The following OSBPL1A variants were observed in gnomAD, a reference collection of about 807,000 sequenced individuals.
OSBPL1A encodes oxysterol binding protein like 1A, also known as oxysterol-binding protein-related protein 1.
OSBPL1A carries 80 observed loss-of-function variants against 137.1 expected under a neutral mutation model. The observed-to-expected ratio is 0.58, with a 90% CI of 0.49 to 0.70. The LOEUF is 0.70. OSBPL1A is among the 30% of genes least tolerant of loss of function. The probability of loss-of-function intolerance (pLI) is 0.00; values close to 1 mark genes in which losing one functional copy is unlikely to be tolerated. For missense variants in OSBPL1A, 970 were observed against 1,129.4 expected (o/e 0.86, Z 2.02); for synonymous variants, 365 against 389.7 (o/e 0.94, Z 0.75).
intron 17 of OSBPL1A, among the ~76,000 whole-genome samples, chr18:24,206,838 C>T (rs753760391): frequency 3.3e-5 from 5 of 152,140 alleles, no homozygotes; most frequent in Non-Finnish European, 5.9e-5. Flanking sequence ...TTTTCCCTAC[C>T]TTCATTCATT....
intron 15 of OSBPL1A, among the ~76,000 whole-genome samples, chr18:24,259,413 C>T (rs1329602759): frequency 6.6e-6 from 1 of 152,188 alleles, no homozygotes; most frequent in African/African-American, 2.4e-5. Flanking sequence ...CTCCAGCTAA[C>T]AGACCATACT....
chr18:24,304,507 T>C (rs2090464109), intron 13 of OSBPL1A, among the ~76,000 whole-genome samples: 1 of 152,196 alleles, frequency 6.6e-6, no homozygotes, highest in African/African-American at 2.4e-5. Flanking sequence ...AAGAAAATTA[T>C]TATTGTAAAT....
chr18:24,386,631 CCTTCT>C (rs1205256421), intron 1 of OSBPL1A, among the ~76,000 whole-genome samples: 12 of 152,132 alleles, frequency 7.9e-5, no homozygotes, highest in Admixed American at 7.9e-4. Flanking sequence ...GAGACTGGCA[CCTTCT>C]CTTACCTCCT....
chr18:24,199,934 G>A (rs1282495623), intron 17 of OSBPL1A, among the ~76,000 whole-genome samples: 1 of 152,158 alleles, frequency 6.6e-6, no homozygotes, highest in African/African-American at 2.4e-5. Context: ...AGCAGTGCCA[G>A]GGTCAAGAAA....
At chr18:24,250,014 AAGG>A (rs1469881651) in intron 15 of OSBPL1A, among the ~76,000 whole-genome samples, 5 of 152,182 alleles carry the variant, frequency 3.3e-5, no homozygotes, top group African/African-American at 1.2e-4. Flanking sequence ...CCTTCTGCTT[AAGG>A]AGAAGAGGGC....
chr18:24,369,466 C>T (rs1179889690), intron 2 of OSBPL1A, among the ~76,000 whole-genome samples: 1 of 152,214 alleles, frequency 6.6e-6, no homozygotes, highest in East Asian at 1.9e-4. Flanking sequence ...GGGGCTGTTA[C>T]AGCCCAAGAA....
chr18:24,368,196 G>A (rs1599722719), intron 3 of OSBPL1A, 91 bp downstream of exon 3: 3 of 871,898 alleles, frequency 3.4e-6, no homozygotes, highest in Non-Finnish European at 5.5e-6. Flanking sequence ...AAGTCATTAT[G>A]GCTCAGGTGG....
intron 2 of OSBPL1A, among the ~76,000 whole-genome samples, chr18:24,371,703 T>C (rs2146199072): frequency 6.6e-6 from 1 of 152,238 alleles, no homozygotes; most frequent in East Asian, 1.9e-4. Flanking sequence ...CACTGGCTCT[T>C]TCTACCTAAC....
intron 2 of OSBPL1A, among the ~76,000 whole-genome samples, chr18:24,372,765 C>G (rs1444432645): frequency 1.3e-5 from 2 of 152,102 alleles, no homozygotes; most frequent in African/African-American, 4.8e-5. Context: ...ATCAAGAAAT[C>G]AAAATTTCCA....
At chr18:24,212,847 C>T (rs184390442) in intron 17 of OSBPL1A, among the ~76,000 whole-genome samples, 75 of 152,196 alleles carry the variant, frequency 4.9e-4, no homozygotes, top group Non-Finnish European at 1.9e-4. Context: ...TAAAATTTAC[C>T]GATACAATTA....
At position 24,304,957 on chromosome 18, in the gene OSBPL1A, T is replaced by G. The variant is rs552558591; in HGVS notation, c.1093-1239A>C. ...AATTTAAAACACCATATATGCCTGATAATTTTTCCAGACACAGCCTGTGAA... is the reference window on the plus strand; with the variant it reads ...AATTTAAAACACCATATATGCCTGAGAATTTTTCCAGACACAGCCTGTGAA... On this transcript the variant is annotated intron_variant, in intron 13 of 27. Transcript: ENST00000319481. Among the ~76,000 whole-genome samples, 13 of 152,322 alleles carry G rather than the reference T, an allele frequency of 8.5e-5. No individual in the cohort carries two copies. The South Asian group carries it at 2.5e-3, about 29-fold the overall frequency.
At chr18:24,291,371 TTAGAAAG>T (rs1164553836) in intron 14 of OSBPL1A, among the ~76,000 whole-genome samples, 1 of 151,936 alleles carries the variant, frequency 6.6e-6, no homozygotes, top group Non-Finnish European at 1.5e-5. Flanking sequence ...GTCACTAAGA[TTAGAAAG>T]TAGAAAGTCA....
At chr18:24,288,023 A>G (rs1052604110) in intron 14 of OSBPL1A, among the ~76,000 whole-genome samples, 1 of 152,032 alleles carries the variant, frequency 6.6e-6, no homozygotes, top group Non-Finnish European at 1.5e-5. Context: ...CCCTTCTAAC[A>G]CCTGAGGAGG....
rs2086924645 is a variant in OSBPL1A, at chr18:24,192,827, TA to T, written c.1677+3297del. ...ATTTAGAAAAGCCACATATTTTGAA[TA>T]ATAATAGCATTACACCATAAAATGA... On this transcript the variant is annotated intron_variant, in intron 18 of 27. Coordinates refer to ENST00000319481, the MANE Select transcript of OSBPL1A (RefSeq NM_080597.4). Among the ~76,000 whole-genome samples the T allele has an allele frequency of 7.9e-5, 12 of 152,210 alleles. 1 individual carries two copies. The South Asian group carries it at 2.5e-3, about 31-fold the overall frequency.
chr18:24,393,182 A>G (rs556755), intron 1 of OSBPL1A, among the ~76,000 whole-genome samples: 142,620 of 152,364 alleles, frequency 0.94, 66,989 homozygotes, highest in African/African-American at 0.98. Context: ...ATGTATGTAC[A>G]TGTGTATACA....
intron 27 of OSBPL1A, 144 bp downstream of exon 27, chr18:24,164,921 C>CT: frequency 2.6e-6 from 2 of 771,198 alleles, no homozygotes; most frequent in Non-Finnish European, 4.3e-6. Context: ...GTGGAAATAA[C>CT]TTTTTTTCAG....
At position 24,318,826 on chromosome 18, in the gene OSBPL1A, GA is replaced by G; in HGVS notation, c.626-18del. ...GTTTCTGATCTGTGCAAAATACAAA[GA>G]AAAAAAGCCATCAACAGCTTAAATG... On this transcript the variant is annotated intron_variant, in intron 7 of 27. Coordinates refer to ENST00000319481, the MANE Select transcript of OSBPL1A (RefSeq NM_080597.4). 5 of 1,605,886 alleles carry G rather than the reference GA, an allele frequency of 3.1e-6. No individual in the cohort carries two copies. Among genetic ancestry groups the G allele is most frequent in the East Asian group, 2.2e-5 (1 of 44,804 alleles).
chr18:24,237,051 C>T (rs1255385592), intron 16 of OSBPL1A, among the ~76,000 whole-genome samples: 6 of 151,764 alleles, frequency 4.0e-5, no homozygotes, highest in African/African-American at 1.4e-4. Flanking sequence ...AAAAGCAAGT[C>T]CAGGGCAATT....
rs1047252018 is a variant in OSBPL1A at position 24,393,484 on chromosome 18, G to A, written c.-3+4171C>T. Among the ~76,000 whole-genome samples the A allele has an allele frequency of 5.9e-5, 9 of 151,974 alleles. No individual in the cohort carries two copies. The East Asian group carries it at 1.4e-3, about 23-fold the overall frequency. On this transcript the variant is annotated intron_variant, in intron 1 of 27. Transcript: ENST00000319481. ...TTTATTTTTTTTGAGACGGAGTCTC[G>A]CTCTGTCGCCTAGGCTGGAGTGCAG...
Sources: gnomAD v4.1 joint callset for allele counts (sites outside exome capture counted in the v4.1 genomes callset) on GRCh38, gnomAD v4.1.1 for gene constraint, MANE v1.5 for transcripts, NCBI Gene and HGNC (gene_info 2026-07-23, HGNC 2026-07-21) for gene names.